HERC2: variants seen among roughly 807,000 people sequenced by gnomAD.
HERC2 encodes E3 ubiquitin-protein ligase HERC2.
HERC2 carries 102 observed loss-of-function variants against 537.7 expected under a neutral mutation model. The observed-to-expected ratio is 0.19, with a 90% CI of 0.16 to 0.22. The LOEUF (loss-of-function observed/expected upper bound fraction) is 0.22, where lower values mean the gene tolerates loss of function less well. Ranked by LOEUF, HERC2 falls within the 10% of genes least tolerant of loss-of-function variation. The pLI, the probability that HERC2 is intolerant of heterozygous loss-of-function variation, is 1.00. For missense variants in HERC2, 4,236 were observed against 6,198.2 expected (o/e 0.68, Z 10.63); for synonymous variants, 2,224 against 2,466.2 (o/e 0.90, Z 2.91).
intron 23 of HERC2, among the ~76,000 whole-genome samples, chr15:28,243,346 T>A (rs1903324506): frequency 6.6e-6 from 1 of 152,174 alleles, no homozygotes; most frequent in East Asian, 1.9e-4. Context: ...AGAAAAAGAT[T>A]TCTTAAGGCC....
At position 28,276,192 on chromosome 15, in the gene HERC2, C is replaced by CAAAAAAAAAAAA. The variant is rs11359639; in HGVS notation, c.543-1199_543-1188dup. ...CAGAGCAAGACTCCATCTCAAAAAA[C>CAAAAAAAAAAAA]AAAAAAAAAAAAAAAAAAAAAAAAA... is the stretch of plus-strand genomic sequence containing the variant. On this transcript the variant is annotated intron_variant, in intron 5 of 92. Coordinates refer to ENST00000261609, the MANE Select transcript of HERC2 (RefSeq NM_004667.6). Among the ~76,000 whole-genome samples, 41 of 70,080 alleles carry CAAAAAAAAAAAA rather than the reference C, an allele frequency of 5.9e-4. 1 individual carries two copies. Among genetic ancestry groups the CAAAAAAAAAAAA allele is most frequent in the Admixed American group, 9.3e-4 (4 of 4,290 alleles). The allele number at this position is 70,080 out of a possible 152,430, so 46.0% of individuals were successfully genotyped here. A position where few individuals can be genotyped will look rare whatever the true frequency, so the allele number is the denominator to read the frequency against.
chr15:28,282,276 T>C (rs146069329), intron 4 of HERC2, among the ~76,000 whole-genome samples: 173 of 152,264 alleles, frequency 1.1e-3, no homozygotes, highest in African/African-American at 4.0e-3. Context: ...AACAACATGT[T>C]CTATTGAGAA....
chr15:28,254,853 T>A (rs1402247964), intron 19 of HERC2, among the ~76,000 whole-genome samples: 1 of 152,234 alleles, frequency 6.6e-6, no homozygotes, highest in Non-Finnish European at 1.5e-5. Flanking sequence ...AGCTGCTTTG[T>A]AAGGACAAGA....
intron 17 of HERC2, 120 bp downstream of exon 17, chr15:28,256,941 T>G (rs1289891402): frequency 1.0e-5 from 9 of 871,442 alleles, no homozygotes; most frequent in Non-Finnish European, 1.6e-5. Flanking sequence ...TGCATTACAA[T>G]CTTACTTTAA....
Position 28,142,230 on chromosome 15 carries a change from T to G in HERC2, c.11700+8A>C, listed in dbSNP as rs541758758. ...TCCCAAAAGTGATTCCAAAATATCA[T>G]GCAATACCTCATCAAGAAACAGACG... On this transcript the variant is annotated splice_region_variant and intron_variant, in intron 76 of 92. Coordinates refer to ENST00000261609, the MANE Select transcript of HERC2 (RefSeq NM_004667.6). The G allele has an allele frequency of 8.7e-6, 14 of 1,613,560 alleles. 1 individual carries two copies. The highest frequency in any genetic ancestry group is 1.2e-5 in the Non-Finnish European group (14 of 1,179,780).
intron 3 of HERC2, chr15:28,298,380 C>G (rs2076528724): frequency 6.7e-6 from 1 of 149,634 alleles, no homozygotes; most frequent in African/African-American, 2.4e-5. Context: ...GTCTCAAACT[C>G]CCAACCTCAA....
At chr15:28,192,263 A>C in intron 52 of HERC2, 112 bp from the exon 53 acceptor site, 1 of 919,860 alleles carries the variant, frequency 1.1e-6, no homozygotes, top group Admixed American at 2.7e-5. Context: ...GAAAGTTTCA[A>C]ACTGAAAGGA....
intron 12 of HERC2, among the ~76,000 whole-genome samples, chr15:28,266,305 C>T (rs2075566022): frequency 6.6e-6 from 1 of 152,148 alleles, no homozygotes; most frequent in Non-Finnish European, 1.5e-5. Flanking sequence ...CACCTGAGGT[C>T]ACGAGTTCGA....
intron 88 of HERC2, 26 bp downstream of exon 88, chr15:28,116,639 C>T (rs1283610556): frequency 5.7e-6 from 9 of 1,585,104 alleles, no homozygotes; most frequent in Non-Finnish European, 6.9e-6. Context: ...CACAGCGACA[C>T]AGTCTCAAGC....
intron 20 of HERC2, among the ~76,000 whole-genome samples, chr15:28,250,207 C>T (rs1438762205): frequency 6.6e-6 from 1 of 152,152 alleles, no homozygotes; most frequent in Non-Finnish European, 1.5e-5. Context: ...GAAAAAACTA[C>T]CAGCAGCATG....
intron 78 of HERC2, among the ~76,000 whole-genome samples, chr15:28,139,913 A>AAC (rs1555405210): frequency 2.0e-4 from 30 of 148,646 alleles, no homozygotes; most frequent in African/African-American, 7.4e-4. Flanking sequence ...AAAAAAAAAA[A>AAC]AAAGATTAGC....
intron 65 of HERC2, among the ~76,000 whole-genome samples, chr15:28,173,756 T>C (rs1894927263): frequency 7.0e-6 from 1 of 143,164 alleles, no homozygotes; most frequent in South Asian, 2.2e-4. Context: ...TGAGCCAAAA[T>C]CGTGCCACTG....
At chr15:28,254,259 G>T (rs137943010) in intron 20 of HERC2, 81 bp downstream of exon 20, 2 of 1,007,744 alleles carry the variant, frequency 2.0e-6, no homozygotes, top group East Asian at 5.4e-5. Flanking sequence ...CTCCGGCCTG[G>T]GCAACAAGAG....
rs527499433 is a variant in HERC2, at chr15:28,113,200, G to C, written c.14103C>G (p.Ile4701Met). The C allele has an allele frequency of 6.2e-7, 1 of 1,614,150 alleles. No individual in the cohort carries two copies. The highest frequency in any genetic ancestry group is 1.1e-5 in the South Asian group (1 of 91,088). ...YKGIEPSASL[I>M]QWFWEVMESF... is the part of the protein sequence containing the mutation. ...ACTCCATCACCTCCCAGAACCACTGGATCAGCGATGCGGAAGGCTCGATGC... is the reference window on the plus strand; with the variant it reads ...ACTCCATCACCTCCCAGAACCACTGCATCAGCGATGCGGAAGGCTCGATGC... Residue 4701 changes from isoleucine to methionine, a missense_variant, in exon 92 of 93, where the codon ATC becomes ATG. This residue lies in a region of HERC2 where 313 missense variants were observed against 462.6 expected (regional missense o/e 0.68). Coordinates refer to ENST00000261609, the MANE Select transcript of HERC2 (RefSeq NM_004667.6). This position sits in a 1 kb window ranked among gnomAD's most constrained non-coding sequence, Gnocchi z 7.0.
chr15:28,303,366 G>A (rs955114727), intron 2 of HERC2, among the ~76,000 whole-genome samples: 10 of 152,006 alleles, frequency 6.6e-5, no homozygotes, highest in African/African-American at 2.4e-4. Flanking sequence ...TGGTCTAGGT[G>A]TCTGTTTTTA....
rs533978406 is a variant in HERC2, at chr15:28,281,614, C to A, written c.323-1327G>T. On this transcript the variant is annotated intron_variant, in intron 4 of 92. Coordinates refer to ENST00000261609, the MANE Select transcript of HERC2 (RefSeq NM_004667.6). ...AACATCTCACCACTCCCTGGAAAGG[C>A]ACAGGGTGGCGCACACTGTGCCCAG... 3.9e-5 allele frequency among the ~76,000 whole-genome samples: 6 copies of A among 152,344 alleles called. No homozygotes were observed. In the South Asian group the frequency reaches 1.2e-3, roughly 32 times the overall value.
At chr15:28,195,559 T>C (rs1218719055) in intron 52 of HERC2, among the ~76,000 whole-genome samples, 1 of 151,514 alleles carries the variant, frequency 6.6e-6, no homozygotes, top group Non-Finnish European at 1.5e-5. Context: ...GAAGCTTAAA[T>C]ACATTACGCT....
Position 28,131,993 on chromosome 15 carries a change from C to T in HERC2, c.12570+107G>A, listed in dbSNP as rs574883435. On this transcript the variant is annotated intron_variant, in intron 81 of 92. Transcript: ENST00000261609. ...TTAAAGTGCTCCTAAGGAGCACACA[C>T]GGGGGACAGTAATGGTGGCTCTGAG... 3.6e-5 allele frequency: 34 copies of T among 946,056 alleles called. No individual in the cohort carries two copies. In the Middle Eastern group the frequency reaches 1.4e-3, roughly 39 times the overall value. The allele number at this position is 946,056 out of a possible 1,614,324, so 58.6% of individuals were successfully genotyped here. A position where few individuals can be genotyped will look rare whatever the true frequency, so the allele number is the denominator to read the frequency against.
At chr15:28,167,658 T>C (rs1023717319) in intron 68 of HERC2, 29 bp downstream of exon 68, 1 of 1,612,474 alleles carries the variant, frequency 6.2e-7, no homozygotes, top group Non-Finnish European at 8.5e-7. Flanking sequence ...TATTTCACAA[T>C]ACAAAGTTAA....
Sources: gnomAD v4.1 joint callset for allele counts (sites outside exome capture counted in the v4.1 genomes callset) on GRCh38, gnomAD v4.1.1 for gene constraint, gnomAD v4.1.1 regional missense constraint, Gnocchi (gnomAD v3.1) non-coding constraint, MANE v1.5 for transcripts, NCBI Gene and HGNC (gene_info 2026-07-23, HGNC 2026-07-21) for gene names.